ADGRB3: variants seen among roughly 807,000 people sequenced by gnomAD.
ADGRB3 encodes brain-specific angiogenesis inhibitor 3.
A neutral mutation model predicts 193.4 loss-of-function variants in ADGRB3; 37 were observed. The ratio of observed to expected loss-of-function variants is 0.19; its 90% CI spans 0.15 to 0.25. The LOEUF is 0.25. Among genes scored for constraint, ADGRB3 ranks in the 10% least tolerant of loss-of-function variants. The probability of loss-of-function intolerance (pLI) is 1.00; values close to 1 mark genes in which losing one functional copy is unlikely to be tolerated. For missense variants in ADGRB3, 1,637 were observed against 1,852.9 expected, an observed-to-expected ratio of 0.88 and a Z score of 2.14; for synonymous variants, 690 against 644.2, an observed-to-expected ratio of 1.07 and a Z score of -1.08.
intron 3 of ADGRB3, among the ~76,000 whole-genome samples, chr6:68,740,576 T>C (rs1765959886): frequency 6.6e-6 from 1 of 152,156 alleles, no homozygotes; most frequent in Admixed American, 6.6e-5. Context: ...AAATTCCAAT[T>C]TGGCTACTAA....
intron 3 of ADGRB3, among the ~76,000 whole-genome samples, chr6:68,856,360 G>T (rs946898575): frequency 4.6e-5 from 7 of 152,192 alleles, no homozygotes; most frequent in Non-Finnish European, 7.3e-5. Context: ...ATGAGAAGAG[G>T]TTGGAAAGTT....
At chr6:69,324,717 G>A (rs965796256) in intron 20 of ADGRB3, among the ~76,000 whole-genome samples, 155 bp from the exon 21 acceptor site, 48 of 152,064 alleles carry the variant, frequency 3.2e-4, no homozygotes, top group African/African-American at 1.1e-3. Flanking sequence ...AGACTATAGG[G>A]TTTATAATTT....
intron 17 of ADGRB3, among the ~76,000 whole-genome samples, chr6:69,091,869 G>T (rs1205638007): frequency 6.6e-6 from 1 of 151,984 alleles, no homozygotes; most frequent in East Asian, 1.9e-4. Context: ...TAAATGTTTG[G>T]AGTATTTTTG....
chr6:68,840,733 G>A (rs1436389861), intron 3 of ADGRB3, among the ~76,000 whole-genome samples: 1 of 151,944 alleles, frequency 6.6e-6, no homozygotes, highest in Non-Finnish European at 1.5e-5. Flanking sequence ...TAACAAAAAG[G>A]CAGGAGTAAA....
intron 17 of ADGRB3, among the ~76,000 whole-genome samples, chr6:69,150,977 G>C (rs1268654134): frequency 1.3e-5 from 2 of 152,198 alleles, no homozygotes; most frequent in Non-Finnish European, 2.9e-5. Flanking sequence ...TAGCATCCAA[G>C]TTGCAAAACA....
chr6:69,205,394 C>CT (rs10715013), intron 17 of ADGRB3, among the ~76,000 whole-genome samples: 2,054 of 146,822 alleles, frequency 0.014, 34 homozygotes, highest in African/African-American at 0.047. Context: ...AATAAAAGAC[C>CT]TTTTTTTTTT....
intron 20 of ADGRB3, among the ~76,000 whole-genome samples, chr6:69,285,744 C>G (rs1033769628): frequency 1.3e-5 from 2 of 151,916 alleles, no homozygotes; most frequent in Non-Finnish European, 2.9e-5. Flanking sequence ...ACTTGCAACC[C>G]TCTAACTATA....
intron 3 of ADGRB3, among the ~76,000 whole-genome samples, chr6:68,850,656 T>A (rs1483726763): frequency 6.6e-6 from 1 of 152,052 alleles, no homozygotes; most frequent in Non-Finnish European, 1.5e-5. Flanking sequence ...CTCCTACGTT[T>A]GTTGAGTCTC....
At chr6:68,773,512 C>A (rs979321928) in intron 3 of ADGRB3, among the ~76,000 whole-genome samples, 3 of 152,130 alleles carry the variant, frequency 2.0e-5, no homozygotes, top group Non-Finnish European at 4.4e-5. Context: ...ATTAATTCAA[C>A]ATTTATTAAA....
intron 20 of ADGRB3, among the ~76,000 whole-genome samples, chr6:69,298,380 A>G (rs1406930076): frequency 6.6e-6 from 1 of 151,918 alleles, no homozygotes; most frequent in Non-Finnish European, 1.5e-5. Context: ...AATTGTATAT[A>G]TTTTCTGGGG....
chr6:69,315,046 C>T (rs1397871867), intron 20 of ADGRB3, among the ~76,000 whole-genome samples: 1 of 151,412 alleles, frequency 6.6e-6, no homozygotes. Context: ...ACAATAAAGG[C>T]TCATGATTTA....
chr6:68,685,117 T>C (rs183764352), intron 3 of ADGRB3, among the ~76,000 whole-genome samples: 27 of 152,276 alleles, frequency 1.8e-4, no homozygotes, highest in African/African-American at 6.3e-4. Flanking sequence ...AGTTGTACCA[T>C]ACACAGACAG....
intron 17 of ADGRB3, among the ~76,000 whole-genome samples, chr6:69,190,430 A>T (rs994291740): frequency 2.0e-5 from 3 of 151,944 alleles, no homozygotes; most frequent in African/African-American, 7.2e-5. Flanking sequence ...TAGAATAGAG[A>T]TATAAAGAAA....
intron 11 of ADGRB3, among the ~76,000 whole-genome samples, chr6:69,008,807 C>G (rs1277267698): frequency 6.6e-6 from 1 of 152,056 alleles, no homozygotes; most frequent in Non-Finnish European, 1.5e-5. Context: ...TATTTGTGCT[C>G]AAGGATGATG....
chr6:68,942,088 A>G (rs1048416192), intron 5 of ADGRB3, among the ~76,000 whole-genome samples: 1 of 151,942 alleles, frequency 6.6e-6, no homozygotes, highest in African/African-American at 2.4e-5. Flanking sequence ...AGAGATTTAC[A>G]TTGAATATTT....
intron 26 of ADGRB3, among the ~76,000 whole-genome samples, chr6:69,342,505 A>G (rs1054607350): frequency 3.3e-5 from 5 of 152,158 alleles, no homozygotes; most frequent in Admixed American, 3.3e-4. Flanking sequence ...GGAAGATATC[A>G]TAGGAGGCCT....
intron 17 of ADGRB3, chr6:69,232,750 G>A (rs1766171152): frequency 1.2e-6 from 1 of 835,738 alleles, no homozygotes; most frequent in Non-Finnish European, 1.8e-6. Flanking sequence ...ATTCTAAAAG[G>A]AGGAAAAATC....
intron 3 of ADGRB3, among the ~76,000 whole-genome samples, chr6:68,906,307 G>A (rs1419166347): frequency 1.3e-5 from 2 of 151,334 alleles, no homozygotes. Context: ...TATATTGGAG[G>A]TATACCATAT....
chr6:69,325,136 G>A, intron 21 of ADGRB3, 114 bp downstream of exon 21: 1 of 1,342,606 alleles, frequency 7.4e-7, no homozygotes, highest in Non-Finnish European at 1.0e-6. Flanking sequence ...TTAATCTATG[G>A]AAGTGAAAAT....
Sources: allele counts gnomAD v4.1 joint callset (sites outside exome capture counted in the v4.1 genomes callset), GRCh38; gene constraint gnomAD v4.1.1; transcripts MANE v1.5; gene names NCBI Gene and HGNC (gene_info 2026-07-23, HGNC 2026-07-21).